PRKN: variants seen among roughly 807,000 people sequenced by gnomAD.
PRKN encodes E3 ubiquitin-protein ligase parkin.
PRKN carries 56 observed loss-of-function variants against 59.5 expected under a neutral mutation model. The observed-to-expected ratio is 0.94, with a 90% CI of 0.76 to 1.18. The LOEUF is 1.18. PRKN is among the 50% of genes most tolerant of loss of function. The probability of loss-of-function intolerance (pLI) is 0.00; values close to 1 mark genes in which losing one functional copy is unlikely to be tolerated. For missense variants in PRKN, 657 were observed against 596.4 expected, an observed-to-expected ratio of 1.10 and a Z score of -1.06; for synonymous variants, 250 against 222.1, an observed-to-expected ratio of 1.13 and a Z score of -1.12.
At chr6:161,803,506 G>A (rs1322968625) in intron 6 of PRKN, among the ~76,000 whole-genome samples, 1 of 152,194 alleles carries the variant, frequency 6.6e-6, no homozygotes, top group African/African-American at 2.4e-5. Context: ...GGTAGCCACT[G>A]GCTTAAGGAT....
chr6:162,266,376 T>G (rs1780137795), intron 2 of PRKN: 1 of 152,208 alleles, frequency 6.6e-6, no homozygotes, highest in Non-Finnish European at 1.5e-5. Flanking sequence ...TTAGAAATAC[T>G]TGAGAGCAGC....
At chr6:162,515,265 T>C (rs1467706676) in intron 1 of PRKN, among the ~76,000 whole-genome samples, 1 of 152,054 alleles carries the variant, frequency 6.6e-6, no homozygotes, top group Non-Finnish European at 1.5e-5. Flanking sequence ...GTATTTTTAG[T>C]AGAAACGGGA....
At position 161,352,307 on chromosome 6, in the gene PRKN, G is replaced by T; in HGVS notation, c.1286-2096C>A. On this transcript the variant is annotated intron_variant, in intron 11 of 11. Coordinates refer to ENST00000366898, the MANE Select transcript of PRKN (RefSeq NM_004562.3). This position sits in a 1 kb window ranked among gnomAD's most constrained non-coding sequence, Gnocchi z 5.8. ...ATAGGCATTTGTTTTAAGATAACTT[G>T]CCGACATGCAAAATCTCCTGTTTTC... Among the ~76,000 whole-genome samples, 1 of 152,042 alleles carries T rather than the reference G, an allele frequency of 6.6e-6. No individual in the cohort carries two copies.
intron 6 of PRKN, among the ~76,000 whole-genome samples, chr6:161,811,239 A>G (rs1226208471): frequency 1.3e-5 from 2 of 152,230 alleles, no homozygotes; most frequent in Admixed American, 6.5e-5. Flanking sequence ...ATCAATTGTC[A>G]GAAAGAAAGT....
chr6:162,175,716 C>T (rs761929623), intron 4 of PRKN, among the ~76,000 whole-genome samples: 49 of 152,108 alleles, frequency 3.2e-4, no homozygotes, highest in Non-Finnish European at 5.4e-4. Context: ...GTGGTAGGGC[C>T]ACTGGTCCAC....
intron 9 of PRKN, among the ~76,000 whole-genome samples, chr6:161,486,361 T>C (rs1377372648): frequency 3.9e-5 from 6 of 152,154 alleles, no homozygotes; most frequent in Non-Finnish European, 8.8e-5. Flanking sequence ...AGTATGTATA[T>C]GTTGTTTTTG....
rs546933281 is a variant in PRKN at position 161,371,341 on chromosome 6, T to C, written c.1168-11136A>G. On this transcript the variant is annotated intron_variant, in intron 10 of 11. Coordinates refer to ENST00000366898, the MANE Select transcript of PRKN (RefSeq NM_004562.3). This position sits in a 1 kb window ranked among gnomAD's most constrained non-coding sequence, Gnocchi z 5.5. ...TACCACACCCGGCTACTTGGGAGGC[T>C]GAGGGAGGAGACGGAGTTTCACCAT... Among the ~76,000 whole-genome samples the C allele has an allele frequency of 1.3e-5, 2 of 152,026 alleles. No homozygotes were observed. The highest frequency in any genetic ancestry group is 4.2e-4 in the South Asian group (2 of 4,812).
chr6:161,887,603 A>G (rs1348456771), intron 6 of PRKN, among the ~76,000 whole-genome samples: 1 of 150,292 alleles, frequency 6.7e-6, no homozygotes, highest in African/African-American at 2.5e-5. Context: ...GTTAGGGGTC[A>G]CCACTTATAT....
rs1779505070 is a variant in PRKN, at chr6:161,538,514, T to G, written c.1083+10340A>C. Among the ~76,000 whole-genome samples the G allele has an allele frequency of 6.6e-6, 1 of 151,854 alleles. No individual in the cohort carries two copies. The highest frequency in any genetic ancestry group is 1.5e-5 in the Non-Finnish European group (1 of 67,970). ...ATCTTAGGGGAGGTGGGACTAAAGG[T>G]CAAGCCAGGACAGATCAGATTTGCC... On this transcript the variant is annotated intron_variant, in intron 9 of 11. Transcript: ENST00000366898. This position sits in a 1 kb window ranked among gnomAD's most constrained non-coding sequence, Gnocchi z 4.2.
chr6:161,626,279 C>T (rs1783085373), intron 7 of PRKN, among the ~76,000 whole-genome samples: 1 of 152,118 alleles, frequency 6.6e-6, no homozygotes, highest in African/African-American at 2.4e-5. Context: ...GCTTTTTACT[C>T]TCTACTACAC....
At chr6:162,606,580 T>C (rs1416110725) in intron 1 of PRKN, among the ~76,000 whole-genome samples, 1 of 152,132 alleles carries the variant, frequency 6.6e-6, no homozygotes, top group Non-Finnish European at 1.5e-5. Context: ...GATGATTGAT[T>C]GGACTAGGGA....
chr6:161,822,848 A>G (rs887206694), intron 6 of PRKN, among the ~76,000 whole-genome samples: 6 of 152,160 alleles, frequency 3.9e-5, no homozygotes, highest in African/African-American at 1.4e-4. Flanking sequence ...ATTTTCTATC[A>G]TCTTCAATTT....
At chr6:162,479,079 T>C (rs911537468) in intron 1 of PRKN, among the ~76,000 whole-genome samples, 1 of 152,212 alleles carries the variant, frequency 6.6e-6, no homozygotes, top group African/African-American at 2.4e-5. Flanking sequence ...TAACTTTTTT[T>C]ACTTTATAAA....
intron 1 of PRKN, among the ~76,000 whole-genome samples, chr6:162,699,275 A>C (rs948926303): frequency 6.6e-6 from 1 of 152,224 alleles, no homozygotes; most frequent in African/African-American, 2.4e-5. Flanking sequence ...GAAAAGAAAA[A>C]AAGACTAACA....
chr6:162,510,792 A>G (rs1023903008), intron 1 of PRKN, among the ~76,000 whole-genome samples: 12 of 151,948 alleles, frequency 7.9e-5, no homozygotes, highest in Non-Finnish European at 1.5e-4. Context: ...GTGTGGTGGT[A>G]TGCGCCTGTA....
chr6:162,085,108 G>A (rs1210377832), intron 4 of PRKN, among the ~76,000 whole-genome samples: 1 of 149,848 alleles, frequency 6.7e-6, no homozygotes, highest in Non-Finnish European at 1.5e-5. Context: ...AGTGGAAATA[G>A]GGAAACAGAT....
At chr6:162,221,797 G>GA (rs997001974) in intron 3 of PRKN, among the ~76,000 whole-genome samples, 2 of 152,098 alleles carry the variant, frequency 1.3e-5, no homozygotes. Flanking sequence ...AAATTAATTG[G>GA]AAAAAATGTC....
chr6:161,772,166 AT>A (rs576819684), intron 7 of PRKN, among the ~76,000 whole-genome samples: 4 of 151,408 alleles, frequency 2.6e-5, no homozygotes, highest in Admixed American at 1.3e-4. Flanking sequence ...CTAGAACAGT[AT>A]TTTTTTTTGA....
chr6:161,656,506 T>G (rs1329657216), intron 7 of PRKN, among the ~76,000 whole-genome samples: 1 of 152,008 alleles, frequency 6.6e-6, no homozygotes, highest in East Asian at 1.9e-4. Context: ...GCTGTTGGAG[T>G]TGGGAGGAGG....
Sources: allele counts gnomAD v4.1 joint callset (sites outside exome capture counted in the v4.1 genomes callset), GRCh38; gene constraint gnomAD v4.1.1; non-coding constraint Gnocchi (gnomAD v3.1); transcripts MANE v1.5; gene names NCBI Gene and HGNC (gene_info 2026-07-23, HGNC 2026-07-21).